SPG7: variants seen among roughly 807,000 people sequenced by gnomAD.
SPG7 encodes mitochondrial inner membrane m-AAA protease component paraplegin.
A neutral mutation model predicts 81.9 loss-of-function variants in SPG7; 103 were observed. That is an observed-to-expected ratio of 1.26 (90% CI 1.07 to 1.48). The LOEUF (loss-of-function observed/expected upper bound fraction) is 1.48, where lower values mean the gene tolerates loss of function less well. SPG7 is among the 40% of genes most tolerant of loss of function. The probability of loss-of-function intolerance (pLI) is 0.00; values close to 1 mark genes in which losing one functional copy is unlikely to be tolerated. For synonymous variants in SPG7, 534 were observed against 444.2 expected, an observed-to-expected ratio of 1.20 and a Z score of -2.54; for missense variants, 1,241 against 1,087.3, an observed-to-expected ratio of 1.14 and a Z score of -1.99.
Position 89,546,737 on chromosome 16 carries a change from C to T in SPG7, c.1529C>T (p.Ala510Val), listed in dbSNP as rs61755320. 5.8e-3 allele frequency: 9,342 copies of T among 1,611,950 alleles called. 44 individuals are homozygous for T. The highest frequency in any genetic ancestry group is 7.3e-3 in the Non-Finnish European group (8,558 of 1,178,040). Residue 510 changes from alanine to valine, a missense_variant, in exon 11 of 17, where the codon GCA becomes GTA. Ala to Val is a moderately conservative substitution (Grantham distance 64, BLOSUM62 0). Coordinates refer to ENST00000645818, the MANE Select transcript of SPG7 (RefSeq NM_003119.4). ...QSSTFYSQRL[A>V]ELTPGFSGAD... ...AGCACCTTTTACTCCCAGCGTCTGG[C>T]AGAGCTGACACCAGGATTCAGTGGT...
chr16:89,530,992 C>T (rs1023079477), intron 7 of SPG7, 184 bp downstream of exon 7: 6 of 773,366 alleles, frequency 7.8e-6, no homozygotes, highest in South Asian at 3.1e-5. Context: ...GCACAAGCCT[C>T]GTGCACATGG....
At chr16:89,536,874 G>C (rs145454354) in intron 9 of SPG7, 250 of 1,614,068 alleles carry the variant, frequency 1.5e-4, no homozygotes, top group Non-Finnish European at 2.1e-4. Context: ...GGGCAATGGA[G>C]GGTCATTCGC....
intron 13 of SPG7, chr16:89,551,163 G>A (rs1157509203): frequency 5.4e-6 from 1 of 185,066 alleles, no homozygotes; most frequent in South Asian, 1.2e-4. Flanking sequence ...CTAAGACGTG[G>A]CTCCACCACC....
chr16:89,518,170 C>G (rs1294696147), intron 3 of SPG7: 1 of 152,238 alleles, frequency 6.6e-6, no homozygotes, highest in Non-Finnish European at 1.5e-5. Flanking sequence ...GGCCTTCTCC[C>G]TGGTCTGATG....
intron 11 of SPG7, chr16:89,547,587 T>C (rs1884173799): frequency 7.4e-6 from 2 of 272,022 alleles, no homozygotes; most frequent in Non-Finnish European, 1.4e-5. Flanking sequence ...CTTGGTCTCT[T>C]TTCCCTCTTT....
At chr16:89,537,199 G>C in intron 9 of SPG7, 1 of 1,431,384 alleles carries the variant, frequency 7.0e-7, no homozygotes, top group Non-Finnish European at 9.1e-7. Context: ...TGTGCCGGTC[G>C]TGGGGAAATC....
rs112830760 is a variant in SPG7 at position 89,536,982 on chromosome 16, C to G, written c.1324+4346C>G. On this transcript the variant is annotated intron_variant, in intron 9 of 16. Transcript: ENST00000645818. ...ATATCAAACGATCTTCTCCACATAA[C>G]CTCTCTGTGCCATCATAAGAATAGC... 654 of 1,613,762 alleles carry G rather than the reference C, an allele frequency of 4.1e-4. 5 individuals carry two copies. The highest frequency in any genetic ancestry group is 2.5e-3 in the Middle Eastern group (15 of 6,062).
chr16:89,533,175 T>G (rs561691324), intron 9 of SPG7: 118 of 161,938 alleles, frequency 7.3e-4, no homozygotes, highest in Non-Finnish European at 6.3e-4. Flanking sequence ...ATGTAATCTT[T>G]CCTTTTCTTT....
chr16:89,554,546 C>G lies in SPG7; in HGVS notation c.2164C>G (p.Leu722Val), dbSNP rs141556363. ...CACCGAGAAGGTGCTGCAGGACAAC[C>G]TGGACAAGTTGCAGGCGGTGAGGCC... The part of the protein sequence containing the change: ...RHTEKVLQDN[L>V]DKLQALANAL... Residue 722 changes from leucine (L) to valine (V), a missense_variant, in exon 16 of 17, where the codon CTG becomes GTG. Transcript: ENST00000645818. The G allele has an allele frequency of 3.7e-6, 6 of 1,609,470 alleles. No homozygotes were observed. In the African/African-American group the frequency reaches 5.3e-5, roughly 14 times the overall value.
intron 9 of SPG7, chr16:89,537,027 G>T (rs1323879301): frequency 6.2e-7 from 1 of 1,608,394 alleles, no homozygotes; most frequent in East Asian, 2.2e-5. Context: ...CCCCGGATTT[G>T]CTCAGGCCTG....
Position 89,552,737 on chromosome 16 carries a change from G to A in SPG7, c.1780-242G>A, listed in dbSNP as rs1263643623. 5 of 546,396 alleles carry A rather than the reference G, an allele frequency of 9.2e-6. No homozygotes were observed. The East Asian group carries it at 1.3e-4, about 14-fold the overall frequency. The allele number at this position is 546,396 out of a possible 1,614,324, so 33.8% of individuals were successfully genotyped here. A position where few individuals can be genotyped will look rare whatever the true frequency, so the allele number is the denominator to read the frequency against. On this transcript the variant is annotated intron_variant, in intron 13 of 16. Transcript: ENST00000645818. ...GCCTTGTCTTCTTGACTCCCTGCCT[G>A]TCTAGTCATGTATGAGAAGACACTT...
intron 2 of SPG7, among the ~76,000 whole-genome samples, chr16:89,512,637 A>G (rs947574335): frequency 6.6e-6 from 1 of 152,250 alleles, no homozygotes; most frequent in African/African-American, 2.4e-5. Context: ...AAGCAACTTC[A>G]TATATTAAAG....
intron 16 of SPG7, 27 bp downstream of exon 16, chr16:89,554,590 T>C (rs1302026881): frequency 6.5e-7 from 1 of 1,545,630 alleles, no homozygotes; most frequent in Non-Finnish European, 8.9e-7. Flanking sequence ...GCGTGGGGGC[T>C]ACGGCGTCAC....
intron 1 of SPG7, among the ~76,000 whole-genome samples, chr16:89,509,263 G>A (rs533656429): frequency 1.3e-4 from 19 of 151,894 alleles, no homozygotes; most frequent in Admixed American, 3.3e-4. Context: ...TTGTTTTTTC[G>A]GTTATTTTTG....
intron 13 of SPG7, among the ~76,000 whole-genome samples, chr16:89,550,899 A>G (rs1567932208): frequency 2.0e-5 from 3 of 152,170 alleles, no homozygotes; most frequent in South Asian, 2.1e-4. Flanking sequence ...ACACCATGCA[A>G]TGGGGTTTCG....
intron 9 of SPG7, chr16:89,533,673 C>T (rs1037749806): frequency 2.6e-5 from 4 of 151,860 alleles, no homozygotes; most frequent in Admixed American, 6.6e-5. Context: ...TGCACTGCAG[C>T]GAGGGAGACA....
chr16:89,526,640 A>G, intron 5 of SPG7, 172 bp downstream of exon 5: 1 of 703,258 alleles, frequency 1.4e-6, no homozygotes, highest in Non-Finnish European at 2.5e-6. Context: ...GGAGATTTGG[A>G]AATATAGTTA....
chr16:89,548,962 C>G (rs184902702), intron 12 of SPG7: 1 of 454,686 alleles, frequency 2.2e-6, no homozygotes, highest in Admixed American at 2.3e-5. Flanking sequence ...ATTCCTAGCA[C>G]GAACACGCCT....
At chr16:89,543,110 G>A (rs556132777) in intron 9 of SPG7, 4 of 151,694 alleles carry the variant, frequency 2.6e-5, no homozygotes, top group African/African-American at 9.7e-5. Context: ...ACCACGCCCA[G>A]CTAATTTTCT....
Sources: allele counts gnomAD v4.1 joint callset (sites outside exome capture counted in the v4.1 genomes callset), GRCh38; gene constraint gnomAD v4.1.1; transcripts MANE v1.5; gene names NCBI Gene and HGNC (gene_info 2026-07-23, HGNC 2026-07-21).